GRM8: variants seen among roughly 807,000 people sequenced by gnomAD.
The protein encoded by GRM8 is glutamate metabotropic receptor 8, also known as metabotropic glutamate receptor 8.
GRM8 carries 47 observed loss-of-function variants against 87.2 expected under a neutral mutation model. The observed-to-expected ratio is 0.54, with a 90% CI of 0.43 to 0.69. The LOEUF is 0.69. Among genes scored for constraint, GRM8 ranks in the 30% least tolerant of loss-of-function variants. The pLI, the probability that GRM8 is intolerant of heterozygous loss-of-function variation, is 0.00. For synonymous variants in GRM8, 396 were observed against 404.5 expected, an observed-to-expected ratio of 0.98 and a Z score of 0.25; for missense variants, 1,019 against 1,139.2, an observed-to-expected ratio of 0.89 and a Z score of 1.52.
intron 6 of GRM8, among the ~76,000 whole-genome samples, chr7:126,851,966 G>A (rs1026317918): frequency 5.9e-5 from 9 of 152,098 alleles, no homozygotes; most frequent in East Asian, 3.9e-4. Context: ...TTTGTTGCTC[G>A]AGTGCTGTAT....
intron 7 of GRM8, among the ~76,000 whole-genome samples, chr7:126,711,955 A>T (rs751998095): frequency 9.2e-5 from 14 of 152,212 alleles, no homozygotes; most frequent in Non-Finnish European, 1.8e-4. Flanking sequence ...TCAAAACTTT[A>T]TAAGCAATAA....
intron 7 of GRM8, among the ~76,000 whole-genome samples, chr7:126,739,408 A>G (rs1323869020): frequency 3.8e-5 from 2 of 52,716 alleles, no homozygotes; most frequent in Non-Finnish European, 5.8e-5. Context: ...TTGTGTTTGC[A>G]CACACACACA....
chr7:127,186,581 C>T (rs1794748905), intron 2 of GRM8, among the ~76,000 whole-genome samples: 1 of 152,252 alleles, frequency 6.6e-6, no homozygotes, highest in African/African-American at 2.4e-5. Flanking sequence ...TCTTGCACCA[C>T]CCCTCATTAG....
chr7:126,673,516 A>C (rs765790312), intron 7 of GRM8, among the ~76,000 whole-genome samples: 34 of 152,222 alleles, frequency 2.2e-4, no homozygotes, highest in Non-Finnish European at 3.4e-4. Context: ...GGAAACATGC[A>C]AAGACAGGAT....
intron 3 of GRM8, among the ~76,000 whole-genome samples, chr7:126,937,145 C>G (rs1806421443): frequency 6.6e-6 from 1 of 152,178 alleles, no homozygotes; most frequent in African/African-American, 2.4e-5. Context: ...CCTATATTCT[C>G]CTAGGCCACA....
At chr7:127,079,036 C>A (rs781231765) in intron 3 of GRM8, among the ~76,000 whole-genome samples, 1 of 152,174 alleles carries the variant, frequency 6.6e-6, no homozygotes. Context: ...TTACATCAAG[C>A]CATCCAACCA....
chr7:126,697,155 T>C (rs1056422808), intron 7 of GRM8, among the ~76,000 whole-genome samples: 3 of 91,746 alleles, frequency 3.3e-5, no homozygotes, highest in Admixed American at 1.4e-4. Context: ...TTCTCACTTA[T>C]GTGTGGAATT....
At chr7:126,932,433 T>C (rs557616998) in intron 3 of GRM8, among the ~76,000 whole-genome samples, 2 of 152,176 alleles carry the variant, frequency 1.3e-5, no homozygotes, top group Admixed American at 6.6e-5. Context: ...CACAGACAAC[T>C]GAATAAAGAA....
chr7:127,014,479 A>G (rs1475476234), intron 3 of GRM8, among the ~76,000 whole-genome samples: 2 of 152,082 alleles, frequency 1.3e-5, no homozygotes, highest in African/African-American at 4.8e-5. Flanking sequence ...TGACTCTGCC[A>G]CTTGCTAGCT....
chr7:126,951,935 G>A (rs1359479563), intron 3 of GRM8, among the ~76,000 whole-genome samples: 1 of 151,814 alleles, frequency 6.6e-6, no homozygotes, highest in African/African-American at 2.4e-5. Context: ...TGCCTGCTGA[G>A]AAGGCTTAGA....
At chr7:126,751,827 A>G (rs1240257385) in intron 7 of GRM8, among the ~76,000 whole-genome samples, 3 of 152,170 alleles carry the variant, frequency 2.0e-5, no homozygotes, top group Non-Finnish European at 4.4e-5. Context: ...TTCTCAGGCC[A>G]GAAGAGTGAT....
intron 2 of GRM8, among the ~76,000 whole-genome samples, chr7:127,174,340 A>C (rs1433116166): frequency 6.6e-6 from 1 of 152,170 alleles, no homozygotes. Flanking sequence ...TTGTCTGCCT[A>C]AAGTTTGAAC....
chr7:126,502,597 C>A (rs1438215324), intron 9 of GRM8, among the ~76,000 whole-genome samples: 3 of 152,052 alleles, frequency 2.0e-5, no homozygotes, highest in Non-Finnish European at 4.4e-5. Flanking sequence ...CAGTAAAACT[C>A]TGCAGATACC....
intron 3 of GRM8, among the ~76,000 whole-genome samples, chr7:126,947,774 C>A (rs1156815860): frequency 1.3e-5 from 2 of 152,134 alleles, no homozygotes; most frequent in Admixed American, 1.3e-4. Context: ...TCACTCACTT[C>A]AAAAACTTGG....
rs1389412100 is a variant in GRM8 at position 126,816,351 on chromosome 7, T to C, written c.1157-46286A>G. ...GTGCAAGTGATGGTATGTGGAACTA[T>C]AACAAACTCTGAATAAATAGTTTGT... is the stretch of plus-strand genomic sequence containing the variant. On this transcript the variant is annotated intron_variant, in intron 6 of 10. Coordinates refer to ENST00000339582, the MANE Select transcript of GRM8 (RefSeq NM_000845.3). Among the ~76,000 whole-genome samples, 5 of 152,286 alleles carry C rather than the reference T, an allele frequency of 3.3e-5. No homozygotes were observed. The East Asian group carries it at 9.6e-4, about 29-fold the overall frequency.
intron 7 of GRM8, among the ~76,000 whole-genome samples, chr7:126,680,040 G>GAAAA (rs11435028): frequency 2.7e-5 from 4 of 146,344 alleles, no homozygotes; most frequent in Non-Finnish European, 4.5e-5. Flanking sequence ...CTCCATCTCA[G>GAAAA]AAAAAAAAAA....
At chr7:126,855,674 C>T (rs545844895) in intron 6 of GRM8, among the ~76,000 whole-genome samples, 84 of 152,094 alleles carry the variant, frequency 5.5e-4, no homozygotes, top group African/African-American at 2.0e-3. Flanking sequence ...TTGGGTTTCA[C>T]CGTGTTGGCA....
intron 7 of GRM8, among the ~76,000 whole-genome samples, chr7:126,647,328 TAGATAGATAG>T (rs1468036302): frequency 1.6e-4 from 10 of 63,192 alleles, no homozygotes; most frequent in African/African-American, 4.4e-4. Flanking sequence ...GATAGATAGA[TAGATAGATAG>T]ATAGATATAG....
intron 6 of GRM8, among the ~76,000 whole-genome samples, chr7:126,859,119 C>T (rs964997078): frequency 4.6e-5 from 7 of 152,078 alleles, no homozygotes; most frequent in African/African-American, 1.7e-4. Flanking sequence ...ACCCCTGTGC[C>T]CACCCCCAGT....
Sources: allele counts gnomAD v4.1 joint callset (sites outside exome capture counted in the v4.1 genomes callset), GRCh38; gene constraint gnomAD v4.1.1; transcripts MANE v1.5; gene names NCBI Gene and HGNC (gene_info 2026-07-23, HGNC 2026-07-21).